The following AKAP6 variants were observed in gnomAD, a reference collection of about 807,000 sequenced individuals.
The protein encoded by AKAP6 is A-kinase anchor protein 6.
A neutral mutation model predicts 188.5 loss-of-function variants in AKAP6; 58 were observed. The ratio of observed to expected loss-of-function variants is 0.31; its 90% confidence interval spans 0.25 to 0.38. The LOEUF is 0.38. AKAP6 is among the 10% of genes least tolerant of loss of function. The pLI, the probability that AKAP6 is intolerant of heterozygous loss-of-function variation, is 1.00. For missense variants in AKAP6, 2,710 were observed against 2,740.0 expected, an observed-to-expected ratio of 0.99 and a Z score of 0.24; for synonymous variants, 989 against 998.6, an observed-to-expected ratio of 0.99 and a Z score of 0.18.
At chr14:32,515,284 A>G (rs1030062978) in intron 2 of AKAP6, among the ~76,000 whole-genome samples, 19 of 152,136 alleles carry the variant, frequency 1.2e-4, no homozygotes, top group Admixed American at 3.3e-4. Context: ...CCATGATTCA[A>G]TGATCTCCAC....
chr14:32,756,818 T>A (rs990808334), intron 11 of AKAP6, among the ~76,000 whole-genome samples: 34 of 152,262 alleles, frequency 2.2e-4, no homozygotes, highest in South Asian at 2.1e-4. Context: ...GGGGCTGGCC[T>A]GGAGACTGGG....
chr14:32,815,807 G>A (rs1052563907), intron 12 of AKAP6, among the ~76,000 whole-genome samples: 5 of 152,122 alleles, frequency 3.3e-5, no homozygotes, highest in Admixed American at 6.6e-5. Context: ...AGGACTTTAC[G>A]TACATTTTAG....
intron 8 of AKAP6, among the ~76,000 whole-genome samples, chr14:32,688,418 TATTAGACTGAAATAA>T (rs1259447373): frequency 5.3e-5 from 8 of 151,990 alleles, no homozygotes; most frequent in Non-Finnish European, 5.9e-5. Flanking sequence ...ATAGAATAAA[TATTAGACTGAAATAA>T]TTTAGGAAAA....
chr14:32,351,065 A>T (rs1887248823), intron 1 of AKAP6, among the ~76,000 whole-genome samples: 1 of 152,174 alleles, frequency 6.6e-6, no homozygotes, highest in South Asian at 2.1e-4. Context: ...CAGACAGAAT[A>T]TAGTGATTTT....
intron 12 of AKAP6, among the ~76,000 whole-genome samples, chr14:32,821,015 A>G (rs934147801): frequency 1.3e-5 from 2 of 152,214 alleles, no homozygotes; most frequent in South Asian, 2.1e-4. Context: ...CTGAAATAGT[A>G]TCAGTGTGAA....
intron 2 of AKAP6, among the ~76,000 whole-genome samples, chr14:32,482,227 A>G (rs1329573981): frequency 1.3e-5 from 2 of 152,168 alleles, no homozygotes; most frequent in African/African-American, 4.8e-5. Context: ...CTGAGAATAA[A>G]AGCCTGAAGT....
intron 7 of AKAP6, among the ~76,000 whole-genome samples, chr14:32,601,278 A>T (rs910395508): frequency 4.6e-5 from 7 of 152,154 alleles, no homozygotes; most frequent in Non-Finnish European, 1.0e-4. Context: ...TAATTAGGGG[A>T]TGGTCATTGT....
intron 11 of AKAP6, among the ~76,000 whole-genome samples, chr14:32,739,492 G>A (rs535379337): frequency 2.6e-5 from 4 of 151,250 alleles, no homozygotes; most frequent in African/African-American, 9.7e-5. Flanking sequence ...TTTTTTCTTT[G>A]TACCCATTAA....
At chr14:32,609,310 C>G (rs1886253679) in intron 7 of AKAP6, among the ~76,000 whole-genome samples, 1 of 151,960 alleles carries the variant, frequency 6.6e-6, no homozygotes, top group Non-Finnish European at 1.5e-5. Flanking sequence ...TGGAATATAC[C>G]CATTTATGTG....
In AKAP6 at chr14:32,697,095, A is replaced by G. The variant is rs553038405; in HGVS notation, c.3000+985A>G. 1.6e-4 allele frequency among the ~76,000 whole-genome samples: 24 copies of G among 152,324 alleles called. 2 individuals are homozygous for G. In the South Asian group the frequency reaches 4.8e-3, roughly 30 times the overall value. On this transcript the variant is annotated intron_variant, in intron 9 of 13. Transcript: ENST00000280979. ...AAATTTCTTATAGAATAAGAAGTAC[A>G]TTCAAGGTCAAATAAAAGTTGCCTT...
chr14:32,715,128 C>T (rs1279145), intron 9 of AKAP6, among the ~76,000 whole-genome samples: 150,918 of 152,108 alleles, frequency 0.99, 74,880 homozygotes, highest in Middle Eastern at 1. Flanking sequence ...TACTAATTGG[C>T]GTCAAATTCA....
At chr14:32,762,382 C>T (rs555287580) in intron 11 of AKAP6, among the ~76,000 whole-genome samples, 112 of 151,910 alleles carry the variant, frequency 7.4e-4, no homozygotes, top group African/African-American at 2.4e-3. Flanking sequence ...AGAAAAGGAA[C>T]GATATAACAT....
At chr14:32,404,125 A>C (rs1184897313) in intron 1 of AKAP6, among the ~76,000 whole-genome samples, 2 of 152,176 alleles carry the variant, frequency 1.3e-5, no homozygotes, top group African/African-American at 4.8e-5. Flanking sequence ...AAATATTAAC[A>C]AAAATATTCT....
At chr14:32,383,835 C>T (rs1402657917) in intron 1 of AKAP6, among the ~76,000 whole-genome samples, 1 of 152,170 alleles carries the variant, frequency 6.6e-6, no homozygotes, top group Non-Finnish European at 1.5e-5. Flanking sequence ...CTGTTCCAAT[C>T]CTAGAGGAAA....
intron 12 of AKAP6, among the ~76,000 whole-genome samples, chr14:32,805,643 A>G (rs555404782): frequency 1.3e-5 from 2 of 152,354 alleles, no homozygotes; most frequent in South Asian, 4.1e-4. Context: ...TTGACTAAAG[A>G]GAAAACATTT....
At chr14:32,809,645 G>T (rs934568340) in intron 12 of AKAP6, among the ~76,000 whole-genome samples, 4 of 152,180 alleles carry the variant, frequency 2.6e-5, no homozygotes, top group African/African-American at 9.7e-5. Flanking sequence ...GTCACACACA[G>T]CTCATCTAGT....
chr14:32,522,032 C>A (rs947316123), intron 2 of AKAP6, among the ~76,000 whole-genome samples: 2 of 152,128 alleles, frequency 1.3e-5, no homozygotes, highest in African/African-American at 4.8e-5. Flanking sequence ...AGAAATAATA[C>A]CACACATCTA....
chr14:32,524,517 G>A (rs2139074231), intron 2 of AKAP6, among the ~76,000 whole-genome samples: 1 of 152,146 alleles, frequency 6.6e-6, no homozygotes, highest in East Asian at 1.9e-4. Flanking sequence ...GTGTGAGACA[G>A]TCATTTGTTT....
At chr14:32,676,445 A>G (rs569765227) in intron 7 of AKAP6, among the ~76,000 whole-genome samples, 48 of 151,978 alleles carry the variant, frequency 3.2e-4, no homozygotes, top group Admixed American at 3.1e-3. Context: ...CATTCTGCAT[A>G]CCTCCTCTTC....
Sources: gnomAD v4.1 joint callset for allele counts (sites outside exome capture counted in the v4.1 genomes callset) on GRCh38, gnomAD v4.1.1 for gene constraint, MANE v1.5 for transcripts, NCBI Gene and HGNC (gene_info 2026-07-23, HGNC 2026-07-21) for gene names.